The following DLG2 variants were observed in gnomAD, a reference collection of about 807,000 sequenced individuals.
DLG2 encodes the protein discs large MAGUK scaffold protein 2, also known as disks large homolog 2.
DLG2 carries 45 observed loss-of-function variants against 132.5 expected under a neutral mutation model. The observed-to-expected ratio is 0.34, with a 90% CI of 0.27 to 0.44. The LOEUF is 0.44. Among genes scored for constraint, DLG2 ranks in the 20% least tolerant of loss-of-function variants. The pLI is 1.00. For synonymous variants in DLG2, 424 were observed against 419.6 expected (o/e 1.01, Z -0.13); for missense variants, 1,045 against 1,196.9 (o/e 0.87, Z 1.87).
chr11:84,157,458 T>C (rs1005357894), intron 9 of DLG2, among the ~76,000 whole-genome samples: 1 of 152,158 alleles, frequency 6.6e-6, no homozygotes, highest in African/African-American at 2.4e-5. Flanking sequence ...AAAGATGGGG[T>C]CTCATTCTAT....
chr11:83,980,446 A>C (rs2092685446), intron 12 of DLG2, 60 bp downstream of exon 12: 1 of 1,555,380 alleles, frequency 6.4e-7, no homozygotes, highest in Non-Finnish European at 8.7e-7. Context: ...AAAGACAGTC[A>C]TACACTGGAA....
intron 3 of DLG2, among the ~76,000 whole-genome samples, chr11:85,324,012 TG>T (rs992820592): frequency 1.1e-4 from 17 of 152,176 alleles, no homozygotes; most frequent in Non-Finnish European, 2.5e-4. Flanking sequence ...CTCAGACTGG[TG>T]GGGAGTGAAC....
chr11:83,726,963 C>T (rs1467154705), intron 18 of DLG2, among the ~76,000 whole-genome samples: 4 of 152,222 alleles, frequency 2.6e-5, no homozygotes, highest in East Asian at 3.9e-4. Flanking sequence ...ATCACCACCA[C>T]GGATAAAAAA....
intron 15 of DLG2, among the ~76,000 whole-genome samples, chr11:83,922,304 T>A (rs909978128): frequency 6.6e-6 from 1 of 152,102 alleles, no homozygotes; most frequent in South Asian, 2.1e-4. Flanking sequence ...TAAAACCAAA[T>A]GTAGCAAGAG....
At chr11:83,683,210 G>A (rs1017966361) in intron 18 of DLG2, among the ~76,000 whole-genome samples, 1 of 152,138 alleles carries the variant, frequency 6.6e-6, no homozygotes, top group African/African-American at 2.4e-5. Flanking sequence ...AATATCTATT[G>A]AACACATTTT....
At chr11:85,478,043 T>A (rs1182087225) in intron 3 of DLG2, among the ~76,000 whole-genome samples, 1 of 151,978 alleles carries the variant, frequency 6.6e-6, no homozygotes, top group Admixed American at 6.6e-5. Context: ...GCTTTCGTTC[T>A]GTCACCTAGG....
chr11:83,558,517 G>C (rs544398231), intron 19 of DLG2, among the ~76,000 whole-genome samples: 1 of 152,142 alleles, frequency 6.6e-6, no homozygotes, highest in East Asian at 1.9e-4. Context: ...AACCGCTACA[G>C]TAGGCACTTT....
chr11:84,988,371 C>G (rs2056728365), intron 6 of DLG2, among the ~76,000 whole-genome samples: 1 of 152,068 alleles, frequency 6.6e-6, no homozygotes, highest in Non-Finnish European at 1.5e-5. Context: ...GGCTATCTAC[C>G]CAGAGGAAAA....
intron 10 of DLG2, among the ~76,000 whole-genome samples, chr11:84,097,377 A>C (rs964826165): frequency 2.0e-5 from 3 of 152,132 alleles, no homozygotes; most frequent in African/African-American, 7.2e-5. Flanking sequence ...CCTGCCTTCA[A>C]CAAGAATCCT....
intron 18 of DLG2, among the ~76,000 whole-genome samples, chr11:83,760,140 C>G (rs529661495): frequency 7.2e-4 from 110 of 152,282 alleles, no homozygotes; most frequent in Non-Finnish European, 1.4e-3. Context: ...TGAGCAATAT[C>G]CTCAGACTCT....
chr11:85,334,889 T>A (rs1315548200), intron 3 of DLG2, among the ~76,000 whole-genome samples: 1 of 152,198 alleles, frequency 6.6e-6, no homozygotes, highest in Admixed American at 6.5e-5. Flanking sequence ...ATGAAAATAA[T>A]GTATATTCTG....
intron 4 of DLG2, among the ~76,000 whole-genome samples, chr11:85,224,943 A>G (rs1321483238): frequency 6.6e-6 from 1 of 152,178 alleles, no homozygotes; most frequent in African/African-American, 2.4e-5. Flanking sequence ...TCTTTATTTT[A>G]TAAGTTTTCA....
intron 7 of DLG2, among the ~76,000 whole-genome samples, chr11:84,280,867 A>ATTT (rs35970331): frequency 0.077 from 5,214 of 67,544 alleles, 634 homozygotes; most frequent in Non-Finnish European, 0.093. Context: ...TGCCCAGCCA[A>ATTT]TTTTTTTTTT....
rs569671298 is a variant in DLG2, at chr11:84,562,111, A to C, written c.358-27380T>G. Among the ~76,000 whole-genome samples the C allele has an allele frequency of 1.3e-4, 20 of 152,286 alleles. 1 individual carries two copies. The South Asian group carries it at 3.9e-3, about 30-fold the overall frequency. Reference sequence around the variant, plus strand: ...AGTTACATGTTTACAATATCAAGCAATGTATAATAGAATCAATGACCCTTG... The same window carrying C: ...AGTTACATGTTTACAATATCAAGCACTGTATAATAGAATCAATGACCCTTG... On this transcript the variant is annotated intron_variant, in intron 6 of 27. Transcript: ENST00000376104.
At chr11:84,174,414 T>C (rs1418054033) in intron 8 of DLG2, among the ~76,000 whole-genome samples, 1 of 152,058 alleles carries the variant, frequency 6.6e-6, no homozygotes, top group Non-Finnish European at 1.5e-5. Context: ...CCACCAGCTG[T>C]CCCCAACCTA....
intron 6 of DLG2, among the ~76,000 whole-genome samples, chr11:84,706,498 G>A (rs992393780): frequency 6.6e-6 from 1 of 151,744 alleles, no homozygotes; most frequent in African/African-American, 2.4e-5. Context: ...CATAGAATTA[G>A]ATTAAATGGA....
At chr11:84,584,172 C>G (rs1056554709) in intron 6 of DLG2, among the ~76,000 whole-genome samples, 1 of 152,088 alleles carries the variant, frequency 6.6e-6, no homozygotes. Flanking sequence ...ACCTCAATAA[C>G]ATTTCACAGT....
At chr11:83,754,071 A>C (rs1312626755) in intron 18 of DLG2, among the ~76,000 whole-genome samples, 1 of 149,968 alleles carries the variant, frequency 6.7e-6, no homozygotes, top group African/African-American at 2.5e-5. Flanking sequence ...TGCCCTAAAC[A>C]TGGAGCTTAT....
intron 7 of DLG2, among the ~76,000 whole-genome samples, chr11:84,274,556 C>T (rs548308533): frequency 6.6e-6 from 1 of 152,228 alleles, no homozygotes; most frequent in African/African-American, 2.4e-5. Context: ...TAGTTTTCCT[C>T]CATTTGTACC....
Sources: allele counts gnomAD v4.1 joint callset (sites outside exome capture counted in the v4.1 genomes callset), GRCh38; gene constraint gnomAD v4.1.1; transcripts MANE v1.5; gene names NCBI Gene and HGNC (gene_info 2026-07-23, HGNC 2026-07-21).